Variants in CHKA observed in about 807,000 individuals in gnomAD.
The protein encoded by CHKA is CHETK-alpha.
In CHKA, 34 loss-of-function variants were observed where a neutral mutation model predicts 60.1. The ratio of observed to expected loss-of-function variants is 0.57; its 90% CI spans 0.43 to 0.75. The LOEUF is 0.75. CHKA is among the 30% of genes least tolerant of loss of function. The probability of loss-of-function intolerance (pLI) is 0.00; values close to 1 mark genes in which losing one functional copy is unlikely to be tolerated. For missense variants in CHKA, 563 were observed against 561.3 expected, an observed-to-expected ratio of 1.00 and a Z score of -0.03; for synonymous variants, 217 against 223.1, an observed-to-expected ratio of 0.97 and a Z score of 0.24.
chr11:68,068,022 G>A (rs1490774697), intron 7 of CHKA, among the ~76,000 whole-genome samples: 1 of 152,226 alleles, frequency 6.6e-6, no homozygotes, highest in Non-Finnish European at 1.5e-5. Context: ...ACCAGTGGGA[G>A]CTGCATAGTG....
chr11:68,066,379 G>A (rs773142780), intron 8 of CHKA, 50 bp downstream of exon 8: 12 of 1,402,188 alleles, frequency 8.6e-6, no homozygotes, highest in East Asian at 2.3e-5. Context: ...TAAGCATATC[G>A]TAATGATAAA....
chr11:68,074,126 A>G (rs553256304), intron 4 of CHKA, among the ~76,000 whole-genome samples: 1 of 152,320 alleles, frequency 6.6e-6, no homozygotes, highest in African/African-American at 2.4e-5. Context: ...GACATGGTAT[A>G]CTGGTAAATG....
At position 68,064,073 on chromosome 11, in the gene CHKA, C is replaced by G. The variant is rs7127838; in HGVS notation, c.1232+452G>C. 7.3e-3 allele frequency among the ~76,000 whole-genome samples: 1,116 copies of G among 152,272 alleles called. 12 individuals are homozygous for G. The highest frequency in any genetic ancestry group is 0.026 in the African/African-American group (1,062 of 41,544). The stretch of plus-strand genomic sequence containing the variant: ...GGCCACAATGGAGAAGTAGCAGATT[C>G]TATTTTTGACAAAGTGCAAGTCCTA... On this transcript the variant is annotated intron_variant, in intron 10 of 11. Coordinates refer to ENST00000265689, the MANE Select transcript of CHKA (RefSeq NM_001277.3).
intron 1 of CHKA, among the ~76,000 whole-genome samples, chr11:68,100,937 CTTTTTTTTTTT>C (rs758101816): frequency 1.5e-4 from 12 of 78,212 alleles, no homozygotes; most frequent in South Asian, 4.4e-4. Context: ...TAAAGAGGTT[CTTTTTTTTTTT>C]TTTTTTTTTT....
At chr11:68,116,345 G>C (rs555044870) in intron 1 of CHKA, among the ~76,000 whole-genome samples, 1 of 152,104 alleles carries the variant, frequency 6.6e-6, no homozygotes, top group South Asian at 2.1e-4. Context: ...GGAGGCAGGC[G>C]GATCACCTGA....
chr11:68,060,244 G>A (rs1316750575), intron 11 of CHKA, among the ~76,000 whole-genome samples: 1 of 151,692 alleles, frequency 6.6e-6, no homozygotes, highest in Non-Finnish European at 1.5e-5. Context: ...GTGTTTGCCA[G>A]GATGGTCTCG....
chr11:68,121,132 G>A lies in CHKA; in HGVS notation c.46C>T (p.Leu16Phe). The change falls in exon 1 of 12, where the codon CTC (leucine) becomes TTC (phenylalanine). Residue 16 changes from leucine to phenylalanine, a missense_variant. By Grantham distance (22) the Leu-to-Phe change is conservative (BLOSUM62 0). Coordinates refer to ENST00000265689, the MANE Select transcript of CHKA (RefSeq NM_001277.3). ...CTGGEAEPSP[L>F]GLLLSCGSGS... ...CTACCGCAGCTCAGCAGCAGCCCGA[G>A]CGGCGAGGGCTCCGCCTCGCCCCCG... 1 of 1,210,492 alleles carries A rather than the reference G, an allele frequency of 8.3e-7. No individual in the cohort carries two copies. The highest frequency in any genetic ancestry group is 1.0e-6 in the Non-Finnish European group (1 of 967,124). 75.0% of individuals were successfully genotyped at this position (1,210,492 alleles called of 1,614,324 possible). A position where few individuals can be genotyped will look rare whatever the true frequency, so the allele number is the denominator to read the frequency against.
At chr11:68,055,308 T>G (rs1376156751) in intron 11 of CHKA, among the ~76,000 whole-genome samples, 1 of 152,130 alleles carries the variant, frequency 6.6e-6, no homozygotes, top group Non-Finnish European at 1.5e-5. Flanking sequence ...GAGAATTGCT[T>G]GAACCCGGGA....
Position 68,062,011 on chromosome 11 carries a change from A to G in CHKA, c.1256T>C (p.Leu419Pro). 6.3e-7 allele frequency: 1 copy of G among 1,596,742 alleles called. No homozygotes were observed. The highest frequency in any genetic ancestry group is 8.5e-7 in the Non-Finnish European group (1 of 1,170,848). ...TTGTACAATGGACCACAGTCCCCAG[A>G]GGAAATGAGATGCAAGGGCAAACCT... is the stretch of plus-strand genomic sequence containing the variant. ...VNRFALASHF[L>P]WGLWSIVQAK... The change falls in exon 11 of 12, where the codon CTC becomes CCC. Residue 419 changes from leucine (L) to proline (P), a missense_variant. Transcript: ENST00000265689.
At chr11:68,087,601 A>AT (rs536646221) in intron 2 of CHKA, among the ~76,000 whole-genome samples, 10 of 152,314 alleles carry the variant, frequency 6.6e-5, no homozygotes, top group African/African-American at 2.4e-4. Flanking sequence ...TAGAAAAAAA[A>AT]TTGTGCCATC....
rs1856982321 is a variant in CHKA, at chr11:68,081,404, T to G, written c.516A>C (p.Gln172His). 1 of 1,612,546 alleles carries G rather than the reference T, an allele frequency of 6.2e-7. No homozygotes were observed. The highest frequency in any genetic ancestry group is 8.5e-7 in the Non-Finnish European group (1 of 1,178,552). Residue 172 changes from glutamine (Q) to histidine (H), a missense_variant and splice_region_variant, in exon 3 of 12, where the codon CAA becomes CAC. Gln to His is a conservative substitution (Grantham distance 24). Transcript: ENST00000265689. ...GATGCAGAAAGACTGAATTACTTAC[T>G]TGAAATTCATTTTCTTTCTGAGCTT... ...SEQAQKENEF[Q>H]GAEAMVLESV...
chr11:68,084,335 C>T (rs1451668570), intron 2 of CHKA, among the ~76,000 whole-genome samples: 3 of 130,166 alleles, frequency 2.3e-5, no homozygotes, highest in Admixed American at 7.6e-5. Flanking sequence ...TACACATATA[C>T]GTATATATAT....
chr11:68,097,372 C>T (rs1035298392), intron 1 of CHKA, among the ~76,000 whole-genome samples: 3 of 152,084 alleles, frequency 2.0e-5, no homozygotes, highest in Non-Finnish European at 2.9e-5. Flanking sequence ...CGGTGGCTCA[C>T]GCCTGTAATC....
At chr11:68,101,784 A>G (rs1857735141) in intron 1 of CHKA, among the ~76,000 whole-genome samples, 1 of 152,190 alleles carries the variant, frequency 6.6e-6, no homozygotes, top group East Asian at 1.9e-4. Context: ...ATGTTCATGT[A>G]TTAGAAGAAT....
At chr11:68,064,047 C>T (rs866544913) in intron 10 of CHKA, among the ~76,000 whole-genome samples, 2 of 152,218 alleles carry the variant, frequency 1.3e-5, no homozygotes, top group Admixed American at 6.5e-5. Context: ...TGCATAGTCT[C>T]GGCCACAATG....
intron 11 of CHKA, among the ~76,000 whole-genome samples, chr11:68,059,097 G>C (rs1856127357): frequency 1.3e-5 from 2 of 152,168 alleles, no homozygotes; most frequent in African/African-American, 4.8e-5. Context: ...GTTTCTCCGT[G>C]TTAGTCAGGC....
intron 4 of CHKA, among the ~76,000 whole-genome samples, chr11:68,072,743 G>A (rs1015553588): frequency 6.6e-6 from 1 of 151,942 alleles, no homozygotes; most frequent in African/African-American, 2.4e-5. Context: ...TGTAATCCTG[G>A]TGACTTAGGA....
chr11:68,098,686 G>T (rs985848565), intron 1 of CHKA, among the ~76,000 whole-genome samples: 1 of 151,914 alleles, frequency 6.6e-6, no homozygotes, highest in African/African-American at 2.4e-5. Context: ...AATTTTACTT[G>T]ATTTTATTTA....
chr11:68,085,449 G>A (rs1274608468), intron 2 of CHKA, among the ~76,000 whole-genome samples: 7 of 151,230 alleles, frequency 4.6e-5, no homozygotes, highest in Non-Finnish European at 1.0e-4. Context: ...TTGAATTCCT[G>A]AGCTCAAGTG....
Sources: gnomAD v4.1 joint callset for allele counts (sites outside exome capture counted in the v4.1 genomes callset) on GRCh38, gnomAD v4.1.1 for gene constraint, MANE v1.5 for transcripts, NCBI Gene and HGNC (gene_info 2026-07-23, HGNC 2026-07-21) for gene names.